Variants in KHDRBS2 observed in about 807,000 individuals in gnomAD.
KHDRBS2 encodes the protein KH RNA binding domain containing, signal transduction associated 2.
A neutral mutation model predicts 44.3 loss-of-function variants in KHDRBS2; 26 were observed. The observed-to-expected ratio is 0.59, with a 90% CI of 0.43 to 0.81. KHDRBS2 has a LOEUF of 0.81. KHDRBS2 is among the 40% of genes least tolerant of loss of function. The pLI, the probability that KHDRBS2 is intolerant of heterozygous loss-of-function variation, is 0.00. For synonymous variants in KHDRBS2, 194 were observed against 151.1 expected (o/e 1.28, Z -2.08); for missense variants, 476 against 433.1 (o/e 1.10, Z -0.88).
Position 62,139,058 on chromosome 6 carries a change from A to AT in KHDRBS2, c.219+38126dup, listed in dbSNP as rs564581390. 2.0e-3 allele frequency among the ~76,000 whole-genome samples: 297 copies of AT among 149,534 alleles called. 9 individuals carry two copies. The South Asian group carries it at 0.053, about 26-fold the overall frequency. On this transcript the variant is annotated intron_variant, in intron 2 of 8. Transcript: ENST00000281156. ...GGTAGTGCTGAAAACAAATTGCTTG[A>AT]TTTTTTTTTTAGATGGAAAACAATT...
intron 6 of KHDRBS2, among the ~76,000 whole-genome samples, chr6:61,851,212 C>T (rs535044389): frequency 2.0e-5 from 3 of 151,902 alleles, no homozygotes; most frequent in Admixed American, 2.0e-4. Flanking sequence ...TATATATACA[C>T]ACACACATAT....
chr6:62,159,491 G>A (rs1817161032), intron 2 of KHDRBS2, among the ~76,000 whole-genome samples: 1 of 152,066 alleles, frequency 6.6e-6, no homozygotes, highest in South Asian at 2.1e-4. Flanking sequence ...GGTGATCCTT[G>A]TTCTGAATCC....
At chr6:61,945,109 AAAAGTATATATATATATATATAT>A (rs1812998373) in intron 4 of KHDRBS2, among the ~76,000 whole-genome samples, 2 of 36,584 alleles carry the variant, frequency 5.5e-5, no homozygotes, top group African/African-American at 2.0e-4. Flanking sequence ...AAAAAAAAAA[AAAAGTATATATATATATATATAT>A]ATATATATAT....
At chr6:62,252,870 C>T (rs1836773758) in intron 1 of KHDRBS2, among the ~76,000 whole-genome samples, 1 of 151,976 alleles carries the variant, frequency 6.6e-6, no homozygotes, top group South Asian at 2.1e-4. Context: ...TTTGTAAAAT[C>T]TTAAGTAGAA....
intron 2 of KHDRBS2, among the ~76,000 whole-genome samples, chr6:62,106,600 T>C (rs554598361): frequency 6.6e-6 from 1 of 152,286 alleles, no homozygotes; most frequent in East Asian, 1.9e-4. Flanking sequence ...CCTCCCTAAC[T>C]CATTTTATGA....
At chr6:61,595,919 G>A in the KHDRBS2 span, among the ~76,000 whole-genome samples, 1 of 151,912 alleles carries the variant, frequency 6.6e-6, no homozygotes, top group Non-Finnish European at 1.5e-5. Context: ...CTATGACAGA[G>A]GTACCCTCCC....
At chr6:61,725,747 G>T (rs961881171) in intron 7 of KHDRBS2, among the ~76,000 whole-genome samples, 8 of 152,026 alleles carry the variant, frequency 5.3e-5, no homozygotes, top group African/African-American at 1.7e-4. Flanking sequence ...AAGCTAGGAA[G>T]AAATTTTATG....
At chr6:62,247,681 G>C (rs1835835269) in intron 1 of KHDRBS2, among the ~76,000 whole-genome samples, 1 of 151,930 alleles carries the variant, frequency 6.6e-6, no homozygotes, top group Non-Finnish European at 1.5e-5. Context: ...GCAAATGATG[G>C]CTCCTACTTC....
chr6:61,785,812 T>C (rs1010122534), intron 6 of KHDRBS2, among the ~76,000 whole-genome samples: 6 of 152,088 alleles, frequency 3.9e-5, no homozygotes, highest in Admixed American at 2.6e-4. Context: ...AGTATATACA[T>C]TTTTTGCTTA....
the KHDRBS2 span, among the ~76,000 whole-genome samples, chr6:61,670,416 G>T: frequency 6.6e-6 from 1 of 151,382 alleles, no homozygotes; most frequent in Admixed American, 6.6e-5. Flanking sequence ...AAAGCATAAA[G>T]CAGCATATCT....
chr6:62,015,069 T>A (rs1780966541), intron 3 of KHDRBS2, among the ~76,000 whole-genome samples: 1 of 152,158 alleles, frequency 6.6e-6, no homozygotes, highest in South Asian at 2.1e-4. Flanking sequence ...GGGCTGGTTG[T>A]CTGAATGTTA....
At chr6:62,150,760 C>T (rs1584960028) in intron 2 of KHDRBS2, among the ~76,000 whole-genome samples, 2 of 152,146 alleles carry the variant, frequency 1.3e-5, no homozygotes, top group East Asian at 3.9e-4. Flanking sequence ...CCTTTGTTAT[C>T]TCAGCTTTGT....
At chr6:62,245,357 G>A (rs554646107) in intron 1 of KHDRBS2, among the ~76,000 whole-genome samples, 21 of 152,074 alleles carry the variant, frequency 1.4e-4, no homozygotes, top group African/African-American at 4.8e-4. Flanking sequence ...AGAAAATCCT[G>A]GCTTCACTAC....
chr6:61,702,734 C>A (rs1021851366), intron 7 of KHDRBS2, among the ~76,000 whole-genome samples: 9 of 151,798 alleles, frequency 5.9e-5, no homozygotes, highest in African/African-American at 2.2e-4. Context: ...CATGTCTTTT[C>A]TGATAAAAAT....
the KHDRBS2 span, among the ~76,000 whole-genome samples, chr6:61,628,201 A>G: frequency 1.6e-5 from 2 of 121,500 alleles, no homozygotes; most frequent in Non-Finnish European, 3.2e-5. Flanking sequence ...CCACTGGTAC[A>G]TGTGTAGCCT....
At chr6:61,901,891 A>G (rs1178206772) in intron 4 of KHDRBS2, among the ~76,000 whole-genome samples, 14 of 152,310 alleles carry the variant, frequency 9.2e-5, no homozygotes, top group East Asian at 1.9e-4. Flanking sequence ...GCTTCAGACA[A>G]CAAGCAGCTG....
chr6:61,676,539 T>C (rs780096351), downstream of KHDRBS2, among the ~76,000 whole-genome samples: 1 of 151,882 alleles, frequency 6.6e-6, no homozygotes, highest in African/African-American at 2.4e-5. Context: ...AACATCTGCA[T>C]CCTGGCCAGC....
intron 2 of KHDRBS2, among the ~76,000 whole-genome samples, chr6:62,143,113 G>GT (rs1813208848): frequency 6.6e-6 from 1 of 151,686 alleles, no homozygotes; most frequent in African/African-American, 2.4e-5. Flanking sequence ...ACTTATTCTG[G>GT]TTTAAAAACG....
intron 1 of KHDRBS2, among the ~76,000 whole-genome samples, chr6:62,253,563 G>T (rs1410593281): frequency 6.6e-6 from 1 of 151,768 alleles, no homozygotes; most frequent in East Asian, 1.9e-4. Context: ...AAAGCTGTTT[G>T]TTTGAAATCC....
Sources: gnomAD v4.1 joint callset for allele counts (sites outside exome capture counted in the v4.1 genomes callset) on GRCh38, gnomAD v4.1.1 for gene constraint, MANE v1.5 for transcripts, NCBI Gene and HGNC (gene_info 2026-07-23, HGNC 2026-07-21) for gene names.